GALNT17: variants seen among roughly 807,000 people sequenced by gnomAD.
GALNT17 encodes the protein UDP-GalNAc:polypeptide N-acetylgalactosaminyltransferase-like 3.
In GALNT17, 29 loss-of-function variants were observed where a neutral mutation model predicts 63.7. That is an observed-to-expected ratio of 0.46 (90% CI 0.34 to 0.62). The LOEUF is 0.62. Ranked by LOEUF, GALNT17 falls within the 20% of genes least tolerant of loss-of-function variation. The probability of loss-of-function intolerance (pLI) is 0.01; values close to 1 mark genes in which losing one functional copy is unlikely to be tolerated. For missense variants in GALNT17, 603 were observed against 799.6 expected, an observed-to-expected ratio of 0.75 and a Z score of 2.97; for synonymous variants, 305 against 318.3, an observed-to-expected ratio of 0.96 and a Z score of 0.45.
chr7:71,243,640 A>T (rs1790042599), intron 1 of GALNT17, among the ~76,000 whole-genome samples: 1 of 152,066 alleles, frequency 6.6e-6, no homozygotes, highest in Admixed American at 6.6e-5. Flanking sequence ...CCTGAGTTCA[A>T]GTGACCCCCC....
chr7:71,565,671 G>C (rs1024668592), intron 5 of GALNT17, among the ~76,000 whole-genome samples: 5 of 151,958 alleles, frequency 3.3e-5, no homozygotes, highest in Non-Finnish European at 5.9e-5. Context: ...AGAAATGACA[G>C]GCATAACTTC....
intron 1 of GALNT17, among the ~76,000 whole-genome samples, chr7:71,224,444 A>G (rs1294837330): frequency 1.3e-5 from 2 of 152,182 alleles, no homozygotes; most frequent in Non-Finnish European, 2.9e-5. Flanking sequence ...TAAACAAATC[A>G]TCTCTGCAGT....
chr7:71,588,280 T>C (rs544807380), intron 6 of GALNT17, among the ~76,000 whole-genome samples: 7 of 152,220 alleles, frequency 4.6e-5, no homozygotes, highest in Non-Finnish European at 7.3e-5. Context: ...TTGACATCAT[T>C]TCTTATTTGA....
chr7:71,496,857 C>A (rs1026377265), intron 5 of GALNT17, among the ~76,000 whole-genome samples: 1 of 151,724 alleles, frequency 6.6e-6, no homozygotes, highest in African/African-American at 2.4e-5. Flanking sequence ...GAGGATTGCT[C>A]GAGGCCAGGA....
At chr7:71,364,161 C>G (rs1792458577) in intron 2 of GALNT17, among the ~76,000 whole-genome samples, 1 of 152,112 alleles carries the variant, frequency 6.6e-6, no homozygotes, top group Non-Finnish European at 1.5e-5. Context: ...CCTCCCCTCC[C>G]ACTTTTACCA....
At chr7:71,374,901 G>A (rs13239869) in intron 2 of GALNT17, among the ~76,000 whole-genome samples, 1,762 of 145,860 alleles carry the variant, frequency 0.012, 35 homozygotes, top group African/African-American at 0.043. Context: ...GTGCAGTGGC[G>A]CAATCTTGGC....
intron 3 of GALNT17, among the ~76,000 whole-genome samples, chr7:71,404,742 G>A (rs145762872): frequency 6.6e-5 from 10 of 152,302 alleles, no homozygotes; most frequent in Non-Finnish European, 1.0e-4. Flanking sequence ...GAGCTTCATT[G>A]TATTGTTTAG....
chr7:71,363,479 G>A (rs1413476305), intron 2 of GALNT17, among the ~76,000 whole-genome samples: 1 of 152,138 alleles, frequency 6.6e-6, no homozygotes, highest in African/African-American at 2.4e-5. Context: ...CCAGTTTGGC[G>A]GCTTTCTCTG....
chr7:71,642,148 T>C (rs537752322), intron 6 of GALNT17, among the ~76,000 whole-genome samples: 47 of 152,182 alleles, frequency 3.1e-4, no homozygotes, highest in Non-Finnish European at 1.5e-4. Context: ...CATTCCTCCC[T>C]CTCCCAAATC....
chr7:71,660,874 G>A (rs996409746), intron 6 of GALNT17, among the ~76,000 whole-genome samples: 3 of 152,156 alleles, frequency 2.0e-5, no homozygotes, highest in African/African-American at 7.2e-5. Flanking sequence ...GAGCTGTGCT[G>A]GTGATCACCC....
intron 1 of GALNT17, among the ~76,000 whole-genome samples, chr7:71,152,190 A>G (rs1173764018): frequency 6.6e-6 from 1 of 152,154 alleles, no homozygotes; most frequent in Non-Finnish European, 1.5e-5. Flanking sequence ...AAATACACAA[A>G]TCTCACGAAA....
intron 5 of GALNT17, among the ~76,000 whole-genome samples, chr7:71,466,849 G>A (rs996414745): frequency 6.6e-6 from 1 of 152,118 alleles, no homozygotes; most frequent in Non-Finnish European, 1.5e-5. Flanking sequence ...ATGAATCAAT[G>A]TATACCTTCC....
At chr7:71,186,534 T>A (rs1310589878) in intron 1 of GALNT17, among the ~76,000 whole-genome samples, 1 of 152,186 alleles carries the variant, frequency 6.6e-6, no homozygotes, top group Non-Finnish European at 1.5e-5. Context: ...AGCTTACATT[T>A]CAGGCTTGGA....
intron 6 of GALNT17, among the ~76,000 whole-genome samples, chr7:71,602,270 C>G (rs1318144457): frequency 2.0e-5 from 3 of 152,176 alleles, no homozygotes; most frequent in Admixed American, 6.5e-5. Context: ...AAATATTGCT[C>G]TCTTCTCAGA....
At chr7:71,472,541 C>T (rs1048124483) in intron 5 of GALNT17, among the ~76,000 whole-genome samples, 1 of 152,018 alleles carries the variant, frequency 6.6e-6, no homozygotes, top group African/African-American at 2.4e-5. Flanking sequence ...AAAAAATTAG[C>T]TGGGTGTGAT....
intron 5 of GALNT17, among the ~76,000 whole-genome samples, chr7:71,467,368 T>C (rs1200926207): frequency 6.6e-6 from 1 of 152,182 alleles, no homozygotes; most frequent in East Asian, 1.9e-4. Context: ...TTTCCAAATA[T>C]GGTTTTATGC....
chr7:71,703,434 G>C (rs1235485272), intron 9 of GALNT17, among the ~76,000 whole-genome samples: 1 of 152,146 alleles, frequency 6.6e-6, no homozygotes, highest in African/African-American at 2.4e-5. Flanking sequence ...ACCAGATCTT[G>C]CATTAACTAA....
At chr7:71,693,617 A>G (rs1173746762) in intron 9 of GALNT17, among the ~76,000 whole-genome samples, 1 of 149,448 alleles carries the variant, frequency 6.7e-6, no homozygotes, top group African/African-American at 2.6e-5. Flanking sequence ...GGACACATAG[A>G]AGGGAATAAC....
intron 1 of GALNT17, among the ~76,000 whole-genome samples, chr7:71,269,501 T>C (rs1790548037): frequency 6.6e-6 from 1 of 152,096 alleles, no homozygotes; most frequent in Non-Finnish European, 1.5e-5. Context: ...TTGCTCTGTC[T>C]TCTCCCCTCT....
Sources: allele counts gnomAD v4.1 joint callset (sites outside exome capture counted in the v4.1 genomes callset), GRCh38; gene constraint gnomAD v4.1.1; transcripts MANE v1.5; gene names NCBI Gene and HGNC (gene_info 2026-07-23, HGNC 2026-07-21).